PCDH15: variants seen among roughly 807,000 people sequenced by gnomAD.
PCDH15 encodes the protein protocadherin related 15, also known as protocadherin-15.
Under a neutral mutation model 178.5 loss-of-function variants are expected in PCDH15, and 129 were observed. That is an observed-to-expected ratio of 0.72 (90% confidence interval 0.63 to 0.84). The LOEUF (loss-of-function observed/expected upper bound fraction) is 0.84. PCDH15 is among the 40% of genes least tolerant of loss of function. The probability of loss-of-function intolerance (pLI) is 0.00; values close to 1 mark genes in which losing one functional copy is unlikely to be tolerated. For missense variants in PCDH15, 2,230 were observed against 2,099.9 expected, an observed-to-expected ratio of 1.06 and a Z score of -1.21; for synonymous variants, 800 against 732.0, an observed-to-expected ratio of 1.09 and a Z score of -1.50.
chr10:55,138,218 A>G (rs1239897931), intron 2 of PCDH15, among the ~76,000 whole-genome samples: 1 of 152,170 alleles, frequency 6.6e-6, no homozygotes, highest in Non-Finnish European at 1.5e-5. Context: ...AGTACGTCCA[A>G]TGCAATATTT....
intron 2 of PCDH15, among the ~76,000 whole-genome samples, chr10:55,533,375 A>T (rs1841499645): frequency 6.6e-6 from 1 of 152,114 alleles, no homozygotes; most frequent in South Asian, 2.1e-4. Flanking sequence ...AAAAATTTTT[A>T]GTAAGGTTTC....
chr10:55,576,744 C>A (rs572462937), intron 2 of PCDH15, among the ~76,000 whole-genome samples: 2 of 147,578 alleles, frequency 1.4e-5, no homozygotes, highest in East Asian at 4.0e-4. Context: ...AAAAAAAATG[C>A]CTAAAATGAA....
At chr10:55,324,690 T>A (rs942297175) in intron 2 of PCDH15, among the ~76,000 whole-genome samples, 3 of 152,034 alleles carry the variant, frequency 2.0e-5, no homozygotes, top group Non-Finnish European at 4.4e-5. Flanking sequence ...AACTACAATT[T>A]TTTTTTAGTT....
At chr10:54,123,374 C>T (rs541413803) in intron 15 of PCDH15, among the ~76,000 whole-genome samples, 1 of 152,076 alleles carries the variant, frequency 6.6e-6, no homozygotes, top group Non-Finnish European at 1.5e-5. Flanking sequence ...TTAATAGGCA[C>T]TTCTCAACAG....
intron 21 of PCDH15, among the ~76,000 whole-genome samples, chr10:53,985,675 T>C (rs1324060261): frequency 2.6e-5 from 4 of 151,860 alleles, no homozygotes; most frequent in Non-Finnish European, 5.9e-5. Context: ...ATTGTCATGG[T>C]CATGTTTCAG....
intron 3 of PCDH15, among the ~76,000 whole-genome samples, chr10:54,436,018 AGAGGAGAGGAGAG>A (rs1364827358): frequency 1.5e-4 from 9 of 59,750 alleles, no homozygotes; most frequent in Admixed American, 1.1e-3. Context: ...AGAGGAGAGG[AGAGGAGAGGAGAG>A]GAGAGAGAGA....
chr10:53,911,443 G>T (rs1310907983), intron 25 of PCDH15, among the ~76,000 whole-genome samples: 3 of 152,158 alleles, frequency 2.0e-5, no homozygotes, highest in Non-Finnish European at 4.4e-5. Flanking sequence ...CAGAATCTCT[G>T]GGACACATTT....
chr10:55,214,442 C>T (rs758535668), intron 1 of PCDH15, among the ~76,000 whole-genome samples: 9 of 151,630 alleles, frequency 5.9e-5, no homozygotes, highest in Admixed American at 3.9e-4. Context: ...TATTTAGACA[C>T]GCACAAGTTT....
intron 1 of PCDH15, among the ~76,000 whole-genome samples, chr10:55,211,961 C>T (rs1329626656): frequency 2.9e-4 from 1 of 3,508 alleles, no homozygotes; most frequent in Non-Finnish European, 5.7e-4. Flanking sequence ...TAACAAAGAG[C>T]AGCCTGAAAA....
intron 1 of PCDH15, among the ~76,000 whole-genome samples, chr10:54,686,540 T>C (rs1162649053): frequency 6.6e-6 from 1 of 152,128 alleles, no homozygotes; most frequent in East Asian, 1.9e-4. Flanking sequence ...ACTTTAATGA[T>C]TTGAGTCTTA....
At chr10:54,369,052 C>T in intron 5 of PCDH15, 68 bp downstream of exon 5, 3 of 1,526,444 alleles carry the variant, frequency 2.0e-6, no homozygotes, top group Non-Finnish European at 2.7e-6. Flanking sequence ...CATTTATAAA[C>T]ATTTATTGTA....
At chr10:54,709,680 ATGTG>A (rs61198105) in intron 1 of PCDH15, among the ~76,000 whole-genome samples, 1,894 of 141,440 alleles carry the variant, frequency 0.013, 32 homozygotes, top group African/African-American at 0.045. Context: ...TATGGGAGTA[ATGTG>A]TGTGTGTGTG....
chr10:55,200,395 A>T (rs917559947), intron 1 of PCDH15, among the ~76,000 whole-genome samples: 1 of 152,092 alleles, frequency 6.6e-6, no homozygotes, highest in African/African-American at 2.4e-5. Flanking sequence ...CTGGAATGGA[A>T]TCATTTACCC....
At position 55,052,695 on chromosome 10, in the gene PCDH15, C is replaced by T. The variant is rs1841197754; in HGVS notation, c.-80+113881G>A. On this transcript the variant is annotated intron_variant, in intron 2 of 5. Coordinates refer to the PCDH15 transcript ENST00000458638. ...CGTGCCACTGCACTTCAGCCTGGGC[C>T]ACAGAGTGAGACCCTGTCTCAAAAT... is the stretch of plus-strand genomic sequence containing the variant. Among the ~76,000 whole-genome samples the T allele has an allele frequency of 2.0e-5, 3 of 151,746 alleles. No homozygotes were observed. In the South Asian group the frequency reaches 6.3e-4, roughly 32 times the overall value.
chr10:55,417,674 C>T (rs1347352195), intron 2 of PCDH15, among the ~76,000 whole-genome samples: 1 of 150,936 alleles, frequency 6.6e-6, no homozygotes. Context: ...AGAATAAATA[C>T]ATTTTCAAAC....
At chr10:54,775,212 C>T (rs559813600) in intron 1 of PCDH15, among the ~76,000 whole-genome samples, 1 of 152,182 alleles carries the variant, frequency 6.6e-6, no homozygotes, top group East Asian at 1.9e-4. Flanking sequence ...AAGAATAATC[C>T]TGGACATAAT....
At chr10:54,091,100 T>G (rs2094593460) in intron 15 of PCDH15, among the ~76,000 whole-genome samples, 1 of 152,188 alleles carries the variant, frequency 6.6e-6, no homozygotes, top group African/African-American at 2.4e-5. Context: ...CACTGAGGTC[T>G]GGAGTTTTAC....
chr10:55,088,242 G>T (rs1406153397), intron 2 of PCDH15, among the ~76,000 whole-genome samples: 1 of 151,128 alleles, frequency 6.6e-6, no homozygotes, highest in Non-Finnish European at 1.5e-5. Flanking sequence ...TAAGTGATTG[G>T]TCATCAATTA....
intron 2 of PCDH15, among the ~76,000 whole-genome samples, chr10:54,590,686 T>C (rs570798704): frequency 6.6e-6 from 1 of 152,278 alleles, no homozygotes; most frequent in East Asian, 1.9e-4. Flanking sequence ...AAGACCCTCA[T>C]CTGTTACAGG....
Sources: allele counts gnomAD v4.1 joint callset (sites outside exome capture counted in the v4.1 genomes callset), GRCh38; gene constraint gnomAD v4.1.1; transcripts MANE v1.5; gene names NCBI Gene and HGNC (gene_info 2026-07-23, HGNC 2026-07-21).